NOC3L: variants seen among roughly 807,000 people sequenced by gnomAD.
The protein encoded by NOC3L is NOC3 like DNA replication regulator, also known as nucleolar complex protein 3 homolog.
In NOC3L, 85 loss-of-function variants were observed where a neutral mutation model predicts 102.5. The ratio of observed to expected loss-of-function variants is 0.83; its 90% CI spans 0.70 to 0.99. NOC3L has a LOEUF of 0.99. Among genes scored for constraint, NOC3L ranks in the 50% least tolerant of loss-of-function variants. The probability of loss-of-function intolerance (pLI) is 0.00; values close to 1 mark genes in which losing one functional copy is unlikely to be tolerated. For synonymous variants in NOC3L, 303 were observed against 309.4 expected (o/e 0.98, Z 0.22); for missense variants, 878 against 914.9 (o/e 0.96, Z 0.52).
intron 8 of NOC3L, among the ~76,000 whole-genome samples, chr10:94,351,522 T>G (rs956535976): frequency 6.6e-6 from 1 of 152,122 alleles, no homozygotes; most frequent in African/African-American, 2.4e-5. Flanking sequence ...TAGTTATCCT[T>G]CTATTTATTT....
intron 18 of NOC3L, 100 bp downstream of exon 18, chr10:94,338,507 AT>A (rs2054246874): frequency 7.6e-7 from 1 of 1,317,318 alleles, no homozygotes; most frequent in East Asian, 2.5e-5. Flanking sequence ...CCAGAACAAA[AT>A]ATAATTAAGT....
chr10:94,332,413 T>C (rs1028684891), downstream of NOC3L: 3 of 152,056 alleles, frequency 2.0e-5, no homozygotes, highest in African/African-American at 7.2e-5. Flanking sequence ...AGTGCCAGCA[T>C]AGTGCTAAAC....
In NOC3L at chr10:94,362,867, A is replaced by G. The variant is rs1182668848; in HGVS notation, c.-29T>C. 6.2e-7 allele frequency: 1 copy of G among 1,614,000 alleles called. No homozygotes were observed. The highest frequency in any genetic ancestry group is 1.7e-5 in the Admixed American group (1 of 60,034). On this transcript the variant is annotated 5_prime_UTR_variant, in exon 1 of 21. Coordinates refer to ENST00000371361, the MANE Select transcript of NOC3L (RefSeq NM_022451.11). ...TAGGCCTTAAATGAATGCCGGCCAG[A>G]CAAGTTCACCAGAAGCAGGGTTACT... is the stretch of plus-strand genomic sequence containing the variant.
chr10:94,350,698 C>T (rs1194186074), intron 8 of NOC3L, among the ~76,000 whole-genome samples: 2 of 130,832 alleles, frequency 1.5e-5, no homozygotes, highest in Non-Finnish European at 3.1e-5. Context: ...AGCCTGGCGA[C>T]AGAGCAAGAC....
intron 10 of NOC3L, among the ~76,000 whole-genome samples, chr10:94,347,538 GCT>G (rs2054359721): frequency 6.6e-6 from 1 of 152,096 alleles, no homozygotes; most frequent in Admixed American, 6.5e-5. Flanking sequence ...TGCTAAATAT[GCT>G]CTGTTACTTT....
At position 94,338,622 on chromosome 10, in the gene NOC3L, G is replaced by A. The variant is rs1302731225; in HGVS notation, c.2077C>T (p.Leu693=). ...CNAQNTALWE[L]HALRRHYHPI... ...GCCACTCTTACCCGCAGAGCATGCA[G>A]TTCCCACAGAGCAGTGTTCTGAGCA... is the stretch of plus-strand genomic sequence containing the variant. The change falls in exon 18 of 21, where the codon CTG becomes TTG. Residue 693 remains leucine (L), a synonymous_variant. Transcript: ENST00000371361. 4 of 1,572,862 alleles carry A rather than the reference G, an allele frequency of 2.5e-6. No homozygotes were observed. In the African/African-American group the frequency reaches 4.0e-5, roughly 16 times the overall value.
rs975363040 is a variant in NOC3L at position 94,350,309 on chromosome 10, G to T, written c.953-21C>A. On this transcript the variant is annotated intron_variant, in intron 8 of 20. Transcript: ENST00000371361. ...CCAATCTAATCAAAAGATAACTGTA[G>T]TTACTTTACTCATTGGTCAAAAGTT... The T allele has an allele frequency of 3.1e-6, 5 of 1,606,052 alleles. No individual in the cohort carries two copies. In the African/African-American group the frequency reaches 6.7e-5, roughly 22 times the overall value.
intron 11 of NOC3L, 139 bp from the exon 12 acceptor site, chr10:94,345,072 G>C (rs1257832061): frequency 1.6e-5 from 9 of 574,200 alleles, no homozygotes; most frequent in Non-Finnish European, 2.7e-5. Context: ...ACAAAGTAGA[G>C]AAACATGGAC....
chr10:94,340,708 G>A (rs947919960), intron 14 of NOC3L, among the ~76,000 whole-genome samples: 5 of 151,950 alleles, frequency 3.3e-5, no homozygotes, highest in Non-Finnish European at 5.9e-5. Context: ...AGGGCCGGGC[G>A]CGGTGGCTCA....
At chr10:94,324,898 C>G in the NOC3L span, 1 of 1,614,002 alleles carries the variant, frequency 6.2e-7, no homozygotes, top group African/African-American at 1.3e-5. Flanking sequence ...ACAGGCATCT[C>G]GAGAAGATAA....
chr10:94,319,291 T>C, the NOC3L span, among the ~76,000 whole-genome samples: 51 of 152,328 alleles, frequency 3.3e-4, no homozygotes, highest in African/African-American at 9.9e-4. Flanking sequence ...GTTTACCTGG[T>C]GCATAGTGAT....
At chr10:94,342,573 C>CAG (rs1193549105) in intron 13 of NOC3L, among the ~76,000 whole-genome samples, 1 of 151,810 alleles carries the variant, frequency 6.6e-6, no homozygotes, top group Non-Finnish European at 1.5e-5. Context: ...CACACACACA[C>CAG]ACACACACAC....
At chr10:94,349,493 C>T in intron 9 of NOC3L, 115 bp from the exon 10 acceptor site, 1 of 831,480 alleles carries the variant, frequency 1.2e-6, no homozygotes, top group South Asian at 2.7e-5. Context: ...TAAAAGCCTC[C>T]ATGGACTTTC....
Position 94,346,520 on chromosome 10 carries a change from C to A in NOC3L, c.1294G>T (p.Val432Leu), listed in dbSNP as rs747150583. 170 of 1,443,148 alleles carry A rather than the reference C, an allele frequency of 1.2e-4. No homozygotes were observed. Among genetic ancestry groups the A allele is most frequent in the Non-Finnish European group, 1.4e-4 (154 of 1,074,196 alleles). 89.4% of individuals were successfully genotyped at this position (1,443,148 alleles called of 1,614,324 possible). ...TCTTCTGTATCTTTTTTCACTTCTA[C>A]TTCCTTGATTCTTAGGCATAAAAAT... ...KTFLCLRIKE[V>L]EVKKDTEDIN... Residue 432 changes from valine (V) to leucine (L), a missense_variant, in exon 11 of 21, where the codon GTA (valine) becomes TTA (leucine). Transcript: ENST00000371361.
At position 94,346,484 on chromosome 10, in the gene NOC3L, G is replaced by A. The variant is rs545513630; in HGVS notation, c.1330C>T (p.Pro444Ser). ...VKKDTEDINK[P>S]KKFMTFKEKR... ...TCTTTGAAAGTCATAAATTTTTTTG[G>A]TTTATTAATGTCTTCTGTATCTTTT... The change falls in exon 11 of 21, where the codon CCA (proline) becomes TCA (serine). Residue 444 changes from proline to serine, a missense_variant. Physicochemically the swap from Pro to Ser is moderately conservative, Grantham distance 74. Coordinates refer to ENST00000371361, the MANE Select transcript of NOC3L (RefSeq NM_022451.11). The A allele has an allele frequency of 2.0e-6, 3 of 1,488,814 alleles. No homozygotes were observed. The highest frequency in any genetic ancestry group is 1.3e-5 in the South Asian group (1 of 77,330). 92.2% of individuals were successfully genotyped at this position (1,488,814 alleles called of 1,614,324 possible).
At chr10:94,315,089 G>A in the NOC3L span, 1 of 232,986 alleles carries the variant, frequency 4.3e-6, no homozygotes, top group Non-Finnish European at 8.6e-6. Flanking sequence ...GGTGATGCTG[G>A]CCCTCTTGTG....
At chr10:94,344,797 CTAGTT>C (rs2054324312) in intron 12 of NOC3L, 51 bp downstream of exon 12, 1 of 1,358,250 alleles carries the variant, frequency 7.4e-7, no homozygotes, top group Non-Finnish European at 1.0e-6. Context: ...CAATAAATTT[CTAGTT>C]TAAACAACTT....
chr10:94,356,680 C>T, intron 4 of NOC3L, 89 bp from the exon 5 acceptor site: 1 of 795,720 alleles, frequency 1.3e-6, no homozygotes, highest in Non-Finnish European at 2.1e-6. Context: ...TACGATAAAA[C>T]TCAGGATAGC....
chr10:94,340,327 G>A lies in NOC3L; in HGVS notation c.1729C>T (p.Pro577Ser), dbSNP rs762388634. Residue 577 changes from proline to serine, a missense_variant, in exon 16 of 21, where the codon CCA becomes TCA. Physicochemically the swap from Pro to Ser is moderately conservative, Grantham distance 74. Transcript: ENST00000371361. The part of the protein sequence containing the change: ...SGQGDVLNID[P>S]LKFYTHLYKT... ...TAGAGATGTGTGTAGAATTTCAATG[G>A]ATCAATATTCAGAACATCACCTTTG... The A allele has an allele frequency of 1.2e-6, 2 of 1,613,072 alleles. No homozygotes were observed. Among genetic ancestry groups the A allele is most frequent in the East Asian group, 2.2e-5 (1 of 44,848 alleles).
Sources: gnomAD v4.1 joint callset for allele counts (sites outside exome capture counted in the v4.1 genomes callset) on GRCh38, gnomAD v4.1.1 for gene constraint, MANE v1.5 for transcripts, NCBI Gene and HGNC (gene_info 2026-07-23, HGNC 2026-07-21) for gene names.